The following DIPK1A variants were observed in gnomAD, a reference collection of about 807,000 sequenced individuals.
The protein encoded by DIPK1A is family with sequence similarity 69 member A.
DIPK1A carries 27 observed loss-of-function variants against 40.8 expected under a neutral mutation model. That is an observed-to-expected ratio of 0.66 (90% CI 0.49 to 0.91). The LOEUF (loss-of-function observed/expected upper bound fraction) is 0.91. Among genes scored for constraint, DIPK1A ranks in the 40% least tolerant of loss-of-function variants. The probability of loss-of-function intolerance (pLI) is 0.00; values close to 1 mark genes in which losing one functional copy is unlikely to be tolerated. For synonymous variants in DIPK1A, 166 were observed against 171.3 expected (o/e 0.97, Z 0.24); for missense variants, 412 against 505.7 (o/e 0.81, Z 1.78).
rs1553123833 is a variant in DIPK1A, at chr1:92,846,886, C to CGTAT, written c.474+296_474+297insATAC. On this transcript the variant is annotated intron_variant, in intron 4 of 4. Coordinates refer to ENST00000370310, the MANE Select transcript of DIPK1A (RefSeq NM_001006605.5). Reference sequence around the variant, plus strand: ...GTGTATATATATATATATATATACACACACACGTATATATATATATACGTG... The same window carrying CGTAT: ...GTGTATATATATATATATATATACACGTATACACACGTATATATATATATACGTG... 2.0e-3 allele frequency among the ~76,000 whole-genome samples: 10 copies of CGTAT among 4,930 alleles called. 3 individuals are homozygous for CGTAT. The highest frequency in any genetic ancestry group is 8.1e-3 in the East Asian group (3 of 370). 3.2% of individuals were successfully genotyped at this position (4,930 alleles called of 152,430 possible).
intron 1 of DIPK1A, among the ~76,000 whole-genome samples, chr1:92,886,841 T>C (rs1648620504): frequency 6.6e-6 from 1 of 151,890 alleles, no homozygotes; most frequent in Non-Finnish European, 1.5e-5. Flanking sequence ...AAATATAGCT[T>C]ATTGGAACAC....
At chr1:92,867,434 C>T (rs1423805134) in intron 2 of DIPK1A, among the ~76,000 whole-genome samples, 1 of 152,108 alleles carries the variant, frequency 6.6e-6, no homozygotes, top group Non-Finnish European at 1.5e-5. Flanking sequence ...GAGAAAAAGA[C>T]AGAGGCATGC....
downstream of DIPK1A, among the ~76,000 whole-genome samples, chr1:92,839,500 C>T (rs1450171920): frequency 6.6e-6 from 1 of 152,010 alleles, no homozygotes; most frequent in East Asian, 1.9e-4. Flanking sequence ...AAGAGAGGTC[C>T]TTGGTACATA....
chr1:92,860,576 G>A (rs910906789), intron 2 of DIPK1A, among the ~76,000 whole-genome samples: 3 of 150,090 alleles, frequency 2.0e-5, no homozygotes, highest in South Asian at 2.1e-4. Flanking sequence ...GATAACCTGA[G>A]GTCAGGAGTT....
At chr1:92,959,980 T>A (rs1652008541) in intron 1 of DIPK1A, among the ~76,000 whole-genome samples, 1 of 133,606 alleles carries the variant, frequency 7.5e-6, no homozygotes, top group Non-Finnish European at 1.6e-5. Context: ...GGTCTCAAAC[T>A]CCAGAGCTCA....
chr1:92,860,753 C>G (rs1647227323), intron 2 of DIPK1A, among the ~76,000 whole-genome samples: 1 of 150,606 alleles, frequency 6.6e-6, no homozygotes, highest in African/African-American at 2.4e-5. Flanking sequence ...CACTGCACTC[C>G]AGCGTGGGCG....
chr1:92,940,492 G>T (rs1224851805), intron 1 of DIPK1A, among the ~76,000 whole-genome samples: 1 of 152,138 alleles, frequency 6.6e-6, no homozygotes, highest in Non-Finnish European at 1.5e-5. Context: ...CCCCTTAACA[G>T]ACAAATGCCA....
intron 1 of DIPK1A, among the ~76,000 whole-genome samples, chr1:92,889,470 C>T (rs747656801): frequency 3.9e-5 from 6 of 152,002 alleles, no homozygotes; most frequent in Non-Finnish European, 8.8e-5. Flanking sequence ...ATTACTTTGG[C>T]TATTCAGGGT....
chr1:92,932,840 T>C (rs1023883642), intron 1 of DIPK1A: 7 of 152,184 alleles, frequency 4.6e-5, no homozygotes, highest in African/African-American at 4.8e-5. Flanking sequence ...ACTACTCTGA[T>C]TGATAACATA....
At chr1:92,883,347 C>A (rs556298061) in intron 1 of DIPK1A, among the ~76,000 whole-genome samples, 2 of 152,320 alleles carry the variant, frequency 1.3e-5, no homozygotes, top group South Asian at 4.1e-4. Context: ...TAGGGATCTT[C>A]AACATCCCAG....
At chr1:92,844,699 G>A (rs909431026) in intron 4 of DIPK1A, among the ~76,000 whole-genome samples, 1 of 152,052 alleles carries the variant, frequency 6.6e-6, no homozygotes, top group Non-Finnish European at 1.5e-5. Context: ...AAAGTGCTCG[G>A]ATTACAGGCA....
intron 1 of DIPK1A, among the ~76,000 whole-genome samples, chr1:92,918,368 T>TG (rs1008345709): frequency 1.3e-5 from 2 of 152,170 alleles, no homozygotes; most frequent in African/African-American, 4.8e-5. Context: ...AGGCTGGTCT[T>TG]GAACTCTTCA....
chr1:92,924,392 T>A (rs754395928), intron 1 of DIPK1A, among the ~76,000 whole-genome samples: 2 of 152,122 alleles, frequency 1.3e-5, no homozygotes, highest in Admixed American at 6.5e-5. Flanking sequence ...GAGAATGGTA[T>A]CCTTGCCTGT....
chr1:92,907,845 T>C (rs1043887707), intron 1 of DIPK1A, among the ~76,000 whole-genome samples: 4 of 150,944 alleles, frequency 2.6e-5, no homozygotes, highest in Non-Finnish European at 4.4e-5. Context: ...TTATGTAAAT[T>C]CGATCTTGAT....
rs528357609 is a variant in DIPK1A at position 92,836,428 on chromosome 1, G to A, written c.475-3394C>T. 19 of 1,575,348 alleles carry A rather than the reference G, an allele frequency of 1.2e-5. No individual in the cohort carries two copies. In the East Asian group the frequency reaches 2.0e-4, roughly 17 times the overall value. On this transcript the variant is annotated intron_variant, in intron 4 of 4. Transcript: ENST00000615519. ...TATTTAAGACCTTGGTGCCTGGACC[G>A]TGGTACTTCCCTGTTTTTAACTAGT...
At chr1:92,866,395 C>T (rs1647545161) in intron 2 of DIPK1A, among the ~76,000 whole-genome samples, 1 of 152,240 alleles carries the variant, frequency 6.6e-6, no homozygotes, top group Non-Finnish European at 1.5e-5. Context: ...AGCCACCGCA[C>T]CTGGCCTTGA....
At chr1:92,847,491 A>C (rs1687679720) in intron 3 of DIPK1A, 132 bp from the exon 4 acceptor site, 2 of 486,494 alleles carry the variant, frequency 4.1e-6, no homozygotes, top group African/African-American at 2.0e-5. Flanking sequence ...TTAAGGTGTG[A>C]CTTTATTTCT....
chr1:92,841,960 A>G, downstream of DIPK1A: 1 of 1,055,724 alleles, frequency 9.5e-7, no homozygotes, highest in Non-Finnish European at 1.4e-6. Flanking sequence ...TGAACCTTAT[A>G]GGAAATACCC....
chr1:92,843,434 A>G lies in DIPK1A; in HGVS notation c.1236T>C (p.Asn412=). 6.4e-7 allele frequency: 1 copy of G among 1,550,618 alleles called. No homozygotes were observed. Among genetic ancestry groups the G allele is most frequent in the Non-Finnish European group, 8.7e-7 (1 of 1,146,612 alleles). The change falls in exon 5 of 5, where the codon AAT becomes AAC. Residue 412 remains asparagine (N), a synonymous_variant. Transcript: ENST00000370310. ...TCTTCCACAATAATGTTTTTAGGTT[A>G]TTTAGTATCAAAGAATGTTCCATTT... ...QMEMEHSLIL[N]NLKTLLWKKI...
Sources: gnomAD v4.1 joint callset for allele counts (sites outside exome capture counted in the v4.1 genomes callset) on GRCh38, gnomAD v4.1.1 for gene constraint, MANE v1.5 for transcripts, NCBI Gene and HGNC (gene_info 2026-07-23, HGNC 2026-07-21) for gene names.